GABRB3: variants seen among roughly 807,000 people sequenced by gnomAD.
GABRB3 encodes gamma-aminobutyric acid type A receptor subunit beta3, also known as gamma-aminobutyric acid receptor subunit beta-3.
GABRB3 carries 14 observed loss-of-function variants against 52.1 expected under a neutral mutation model. The ratio of observed to expected loss-of-function variants is 0.27; its 90% CI spans 0.18 to 0.42. GABRB3 has a LOEUF of 0.42. Among genes scored for constraint, GABRB3 ranks in the 10% least tolerant of loss-of-function variants. The pLI is 1.00. For synonymous variants in GABRB3, 260 were observed against 232.3 expected (o/e 1.12, Z -1.08); for missense variants, 307 against 609.1 (o/e 0.50, Z 5.22).
intron 3 of GABRB3, among the ~76,000 whole-genome samples, chr15:26,756,568 A>T (rs1026945586): frequency 6.6e-6 from 1 of 152,122 alleles, no homozygotes; most frequent in South Asian, 2.1e-4. Context: ...ACAGAGCAAG[A>T]TCCTGTCTCA....
At chr15:26,629,176 CG>C in intron 3 of GABRB3, 2 of 1,482,098 alleles carry the variant, frequency 1.3e-6, no homozygotes, top group African/African-American at 1.4e-5. Flanking sequence ...AAGCAGCTCC[CG>C]GGAGACGGAG....
Position 26,567,627 on chromosome 15 carries a change from C to T in GABRB3, c.789G>A (p.Val263=), listed in dbSNP as rs1890227712. The change falls in exon 7 of 9, where the codon GTG becomes GTA. Residue 263 remains valine, a synonymous_variant. Transcript: ENST00000311550. Reference sequence around the variant, plus strand: ...ATGCATCATAATTGATCCAGAAGGACACCCACGACAGAATCGTTATCAGTA... The same window carrying T: ...ATGCATCATAATTGATCCAGAAGGATACCCACGACAGAATCGTTATCAGTA... The part of the protein sequence containing the change: ...PSILITILSW[V]SFWINYDASA... The T allele has an allele frequency of 3.7e-6, 6 of 1,613,954 alleles. No individual in the cohort carries two copies. Among genetic ancestry groups the T allele is most frequent in the Non-Finnish European group, 5.1e-6 (6 of 1,180,022 alleles).
Position 26,762,625 on chromosome 15 carries a change from C to T in GABRB3, c.240+9777G>A, listed in dbSNP as rs150111884. On this transcript the variant is annotated intron_variant, in intron 3 of 8. Coordinates refer to ENST00000311550, the MANE Select transcript of GABRB3 (RefSeq NM_000814.6). The stretch of plus-strand genomic sequence containing the variant: ...TAATGTATTAAAGAACCTGACAATT[C>T]CTGCAGCAAAGAAACCTATTTTATG... Among the ~76,000 whole-genome samples the T allele has an allele frequency of 1.9e-4, 29 of 152,302 alleles. No individual in the cohort carries two copies. In the East Asian group the frequency reaches 3.9e-3, roughly 20 times the overall value.
At chr15:26,622,392 T>C (rs1033815638) in intron 3 of GABRB3, among the ~76,000 whole-genome samples, 4 of 152,216 alleles carry the variant, frequency 2.6e-5, no homozygotes, top group Non-Finnish European at 5.9e-5. Flanking sequence ...CAATCATCAC[T>C]ACTCAGTTCT....
rs28394708 is a variant in GABRB3, at chr15:26,596,821, T to C, written c.462-13407A>G. On this transcript the variant is annotated intron_variant, in intron 4 of 8. Transcript: ENST00000311550. Reference sequence around the variant, plus strand: ...TTTCTGTTGCTTGTAACAGAATACATGAAACTGGGTAATTTATAAGAAATG... The same window carrying C: ...TTTCTGTTGCTTGTAACAGAATACACGAAACTGGGTAATTTATAAGAAATG... 9.5e-3 allele frequency among the ~76,000 whole-genome samples: 1,444 copies of C among 152,294 alleles called. 27 individuals carry two copies. The highest frequency in any genetic ancestry group is 0.033 in the African/African-American group (1,377 of 41,566).
At chr15:26,569,007 C>A (rs1315086548) in intron 6 of GABRB3, among the ~76,000 whole-genome samples, 1 of 152,142 alleles carries the variant, frequency 6.6e-6, no homozygotes, top group Non-Finnish European at 1.5e-5. Context: ...CTAGCAGGTG[C>A]CTTCTTTCTG....
rs1438682875 is a variant in GABRB3 at position 26,772,786 on chromosome 15, G to A, written c.81-14C>T. On this transcript the variant is annotated splice_polypyrimidine_tract_variant and intron_variant, in intron 1 of 8. Coordinates refer to ENST00000311550, the MANE Select transcript of GABRB3 (RefSeq NM_000814.6). ...GGATCGTTCACACTGGGGGAGGGAC[G>A]GGGAGCACAAAGAGCGGGGTCAGGG... 13 of 1,538,842 alleles carry A rather than the reference G, an allele frequency of 8.4e-6. No individual in the cohort carries two copies. The highest frequency in any genetic ancestry group is 7.2e-5 in the South Asian group (6 of 83,270).
intron 3 of GABRB3, among the ~76,000 whole-genome samples, chr15:26,653,555 T>G (rs1162342426): frequency 6.6e-6 from 1 of 152,220 alleles, no homozygotes; most frequent in Non-Finnish European, 1.5e-5. Flanking sequence ...ACTCTGAGTT[T>G]TCAGGGAGAC....
chr15:26,768,735 G>T (rs902333794), intron 3 of GABRB3, among the ~76,000 whole-genome samples: 1 of 151,544 alleles, frequency 6.6e-6, no homozygotes, highest in African/African-American at 2.4e-5. Context: ...TTTAAACAGG[G>T]GCTAAGAGAA....
At chr15:26,616,656 G>A (rs938941118) in intron 4 of GABRB3, among the ~76,000 whole-genome samples, 27 of 151,012 alleles carry the variant, frequency 1.8e-4, no homozygotes, top group African/African-American at 6.6e-4. Context: ...GATTTAAGAG[G>A]CTGTTTGAGA....
At chr15:26,745,832 G>A (rs115367901) in intron 3 of GABRB3, among the ~76,000 whole-genome samples, 32 of 152,258 alleles carry the variant, frequency 2.1e-4, no homozygotes, top group African/African-American at 6.0e-4. Context: ...GTTTGAATGC[G>A]CCATAGCTTG....
intron 3 of GABRB3, among the ~76,000 whole-genome samples, chr15:26,631,731 G>A (rs968567226): frequency 6.6e-5 from 10 of 152,140 alleles, no homozygotes; most frequent in African/African-American, 1.9e-4. Context: ...AATCTATTCC[G>A]TTTAATGACC....
At chr15:26,553,618 A>G (rs1423519816) in intron 8 of GABRB3, 1 of 152,152 alleles carries the variant, frequency 6.6e-6, no homozygotes, top group African/African-American at 2.4e-5. Context: ...GAGATGAAAA[A>G]AAGCCCAGTC....
chr15:26,584,351 T>G (rs1035336227), intron 4 of GABRB3, among the ~76,000 whole-genome samples: 1 of 152,204 alleles, frequency 6.6e-6, no homozygotes, highest in Non-Finnish European at 1.5e-5. Flanking sequence ...AGGTTAAGAC[T>G]GAGGTCTTTG....
chr15:26,725,875 G>A (rs1271158948), intron 3 of GABRB3, among the ~76,000 whole-genome samples: 1 of 152,164 alleles, frequency 6.6e-6, no homozygotes, highest in African/African-American at 2.4e-5. Flanking sequence ...AAAAATCAAA[G>A]GTGTCACTAT....
In GABRB3 at chr15:26,664,704, G is replaced by GTTTT. The variant is rs1162139952; in HGVS notation, c.241-43174_241-43171dup. The stretch of plus-strand genomic sequence containing the variant: ...CCTTATCATTTCTTTTCTTTTCTTT[G>GTTTT]TTTTTTTTTTTTTTTTTTTGGTGGA... On this transcript the variant is annotated intron_variant, in intron 3 of 8. Transcript: ENST00000311550. 3.7e-3 allele frequency among the ~76,000 whole-genome samples: 354 copies of GTTTT among 95,180 alleles called. 13 individuals carry two copies. Among genetic ancestry groups the GTTTT allele is most frequent in the African/African-American group, 7.9e-3 (190 of 24,004 alleles). 62.4% of individuals were successfully genotyped at this position (95,180 alleles called of 152,430 possible). A position where few individuals can be genotyped will look rare whatever the true frequency, so the allele number is the denominator to read the frequency against.
At chr15:26,578,407 T>C (rs1890670144) in intron 6 of GABRB3, among the ~76,000 whole-genome samples, 1 of 152,234 alleles carries the variant, frequency 6.6e-6, no homozygotes, top group Non-Finnish European at 1.5e-5. Context: ...GGTAGCCCCA[T>C]GGGTCTGTGA....
At chr15:26,718,813 C>T (rs907793641) in intron 3 of GABRB3, among the ~76,000 whole-genome samples, 1 of 152,210 alleles carries the variant, frequency 6.6e-6, no homozygotes, top group African/African-American at 2.4e-5. Flanking sequence ...TGTACACCTC[C>T]GTGCTCCCAC....
At position 26,602,275 on chromosome 15, in the gene GABRB3, GC is replaced by G. The variant is rs113346888; in HGVS notation, c.462-18862del. Among the ~76,000 whole-genome samples the G allele has an allele frequency of 2.6e-5, 4 of 152,148 alleles. 1 individual carries two copies. Among genetic ancestry groups the G allele is most frequent in the South Asian group, 2.1e-4 (1 of 4,826 alleles). On this transcript the variant is annotated intron_variant, in intron 4 of 8. Transcript: ENST00000311550. ...AGATGCATAAACAAATATTATAAGA[GC>G]CAAAGAGAGAGATAGGCGTCCTTAC...
Sources: allele counts gnomAD v4.1 joint callset (sites outside exome capture counted in the v4.1 genomes callset), GRCh38; gene constraint gnomAD v4.1.1; transcripts MANE v1.5; gene names NCBI Gene and HGNC (gene_info 2026-07-23, HGNC 2026-07-21).